The following NAALADL2 variants were observed in gnomAD, a reference collection of about 807,000 sequenced individuals.
The protein encoded by NAALADL2 is inactive N-acetylated-alpha-linked acidic dipeptidase-like protein 2.
NAALADL2 carries 76 observed loss-of-function variants against 87.2 expected under a neutral mutation model. The ratio of observed to expected loss-of-function variants is 0.87; its 90% confidence interval spans 0.72 to 1.05. The LOEUF (loss-of-function observed/expected upper bound fraction) is 1.05, where lower values mean the gene tolerates loss of function less well. Ranked by LOEUF, NAALADL2 falls within the 50% of genes least tolerant of loss-of-function variation. The pLI, the probability that NAALADL2 is intolerant of heterozygous loss-of-function variation, is 0.00. For missense variants in NAALADL2, 1,089 were observed against 945.8 expected, an observed-to-expected ratio of 1.15 and a Z score of -1.99; for synonymous variants, 354 against 331.0, an observed-to-expected ratio of 1.07 and a Z score of -0.75.
chr3:175,701,046 A>G (rs1738923594), intron 11 of NAALADL2, among the ~76,000 whole-genome samples: 1 of 152,168 alleles, frequency 6.6e-6, no homozygotes, highest in African/African-American at 2.4e-5. Flanking sequence ...AGGTCTACTT[A>G]TTCAGAGCTT....
intron 2 of NAALADL2, among the ~76,000 whole-genome samples, chr3:175,225,365 AT>A (rs978808247): frequency 6.6e-6 from 1 of 152,148 alleles, no homozygotes; most frequent in Non-Finnish European, 1.5e-5. Context: ...AGTAAAAAAT[AT>A]TTCCTGAACA....
At chr3:175,291,844 A>T (rs1655237286) in intron 4 of NAALADL2, among the ~76,000 whole-genome samples, 1 of 152,226 alleles carries the variant, frequency 6.6e-6, no homozygotes, top group African/African-American at 2.4e-5. Flanking sequence ...ATTACCCAGT[A>T]TAGTAAGTAT....
intron 2 of NAALADL2, among the ~76,000 whole-genome samples, chr3:174,645,635 G>GT (rs749099509): frequency 1.6e-4 from 24 of 151,766 alleles, no homozygotes; most frequent in African/African-American, 5.3e-4. Context: ...TTTCTGTAAG[G>GT]TTTTTTTTCA....
chr3:175,229,439 C>T (rs929023498), intron 2 of NAALADL2, among the ~76,000 whole-genome samples: 1 of 151,966 alleles, frequency 6.6e-6, no homozygotes, highest in African/African-American at 2.4e-5. Flanking sequence ...ATTGACCAAA[C>T]ACTTGACCAT....
chr3:174,518,596 AC>A (rs1486134321), intron 1 of NAALADL2, among the ~76,000 whole-genome samples: 1 of 152,104 alleles, frequency 6.6e-6, no homozygotes, highest in Non-Finnish European at 1.5e-5. Context: ...AAATTTAATC[AC>A]CTTAACATGA....
chr3:175,260,669 G>A (rs1407146145), intron 4 of NAALADL2, among the ~76,000 whole-genome samples: 1 of 152,106 alleles, frequency 6.6e-6, no homozygotes, highest in Non-Finnish European at 1.5e-5. Flanking sequence ...TTTTGTCTGG[G>A]AACATGCAGC....
chr3:174,962,438 T>TATATGTCATAGTGAC (rs1440601115), intron 1 of NAALADL2, among the ~76,000 whole-genome samples: 1 of 131,390 alleles, frequency 7.6e-6, no homozygotes, highest in African/African-American at 3.4e-5. Flanking sequence ...TATATGTATA[T>TATATGTCATAGTGAC]TTTTAAGTCT....
chr3:174,519,778 T>C (rs902277411), intron 1 of NAALADL2, among the ~76,000 whole-genome samples: 4 of 152,078 alleles, frequency 2.6e-5, no homozygotes, highest in Non-Finnish European at 4.4e-5. Flanking sequence ...AAACATTCAA[T>C]AAAATCTAGC....
chr3:174,888,465 C>G (rs964016103), intron 1 of NAALADL2, among the ~76,000 whole-genome samples: 2 of 152,174 alleles, frequency 1.3e-5, no homozygotes, highest in Non-Finnish European at 1.5e-5. Flanking sequence ...TCACTTCACG[C>G]AAAGTTGATC....
At chr3:175,776,137 T>C (rs1297365662) in intron 13 of NAALADL2, 4 of 152,150 alleles carry the variant, frequency 2.6e-5, no homozygotes, top group African/African-American at 9.7e-5. Context: ...ACATTATCAA[T>C]CGTTTTGGTT....
At chr3:174,938,630 A>G (rs977074556) in intron 1 of NAALADL2, among the ~76,000 whole-genome samples, 17 of 152,246 alleles carry the variant, frequency 1.1e-4, no homozygotes, top group African/African-American at 3.6e-4. Flanking sequence ...GAACTAATTT[A>G]TACTCCCACC....
intron 2 of NAALADL2, among the ~76,000 whole-genome samples, chr3:175,109,218 T>C (rs1723766706): frequency 6.6e-6 from 1 of 151,898 alleles, no homozygotes; most frequent in African/African-American, 2.4e-5. Context: ...ACACCTCAGC[T>C]TTCTAATTTA....
Position 175,467,064 on chromosome 3 carries a change from A to T in NAALADL2, c.1413A>T (p.Thr471=). The T allele has an allele frequency of 1.9e-6, 3 of 1,613,882 alleles. No homozygotes were observed. The highest frequency in any genetic ancestry group is 2.5e-6 in the Non-Finnish European group (3 of 1,179,812). Residue 471 remains threonine (T), a synonymous_variant, in exon 8 of 14, where the codon ACA becomes ACT. Coordinates refer to ENST00000454872, the MANE Select transcript of NAALADL2 (RefSeq NM_207015.3). ...QEWASSTAII[T]AFIRALMSKV... ...GGGCCAGTAGTACTGCAATAATCACAGCGTTTATCCGTGCCTTGATGTCAA... is the reference window on the plus strand; with the variant it reads ...GGGCCAGTAGTACTGCAATAATCACTGCGTTTATCCGTGCCTTGATGTCAA...
At chr3:175,625,538 T>C (rs923310852) in intron 10 of NAALADL2, among the ~76,000 whole-genome samples, 10 of 151,972 alleles carry the variant, frequency 6.6e-5, no homozygotes, top group South Asian at 2.1e-4. Context: ...TTTTGCTGCA[T>C]GTTGAGAGTA....
intron 1 of NAALADL2, among the ~76,000 whole-genome samples, chr3:175,026,289 A>C (rs78061539): frequency 1.3e-5 from 2 of 151,966 alleles, no homozygotes; most frequent in Admixed American, 6.6e-5. Context: ...GAGACTAGTA[A>C]AATGTTTGAA....
chr3:174,633,178 CA>C (rs542229656), intron 2 of NAALADL2, among the ~76,000 whole-genome samples: 5 of 147,872 alleles, frequency 3.4e-5, no homozygotes, highest in South Asian at 2.2e-4. Context: ...ATCCAGAGAA[CA>C]AAAAAAAACA....
chr3:175,125,488 G>C (rs1435324789), intron 2 of NAALADL2, among the ~76,000 whole-genome samples: 6 of 152,008 alleles, frequency 3.9e-5, no homozygotes, highest in Non-Finnish European at 5.9e-5. Context: ...GTATAAATAG[G>C]GGTGGTGCAA....
chr3:174,602,865 C>T (rs1718596221), intron 2 of NAALADL2, among the ~76,000 whole-genome samples: 1 of 151,974 alleles, frequency 6.6e-6, no homozygotes, highest in Non-Finnish European at 1.5e-5. Context: ...AATGATTTTT[C>T]TGTATCAATT....
intron 1 of NAALADL2, among the ~76,000 whole-genome samples, chr3:174,901,632 A>G (rs1732310385): frequency 6.6e-6 from 1 of 151,944 alleles, no homozygotes. Context: ...AACCTTGAAT[A>G]GTCAGCCCTT....
Sources: gnomAD v4.1 joint callset for allele counts (sites outside exome capture counted in the v4.1 genomes callset) on GRCh38, gnomAD v4.1.1 for gene constraint, MANE v1.5 for transcripts, NCBI Gene and HGNC (gene_info 2026-07-23, HGNC 2026-07-21) for gene names.